Variants in CDS2 observed in about 807,000 individuals in gnomAD.
CDS2 encodes the protein phosphatidate cytidylyltransferase 2.
CDS2 carries 47 observed loss-of-function variants against 59.0 expected under a neutral mutation model. That is an observed-to-expected ratio of 0.80 (90% CI 0.63 to 1.02). CDS2 has a LOEUF of 1.02. Among genes scored for constraint, CDS2 ranks in the 50% least tolerant of loss-of-function variants. The probability of loss-of-function intolerance (pLI) is 0.00; values close to 1 mark genes in which losing one functional copy is unlikely to be tolerated. For missense variants in CDS2, 356 were observed against 558.9 expected, an observed-to-expected ratio of 0.64 and a Z score of 3.66; for synonymous variants, 207 against 206.4, an observed-to-expected ratio of 1.00 and a Z score of -0.02.
intron 1 of CDS2, among the ~76,000 whole-genome samples, chr20:5,145,115 A>C (rs6053155): frequency 1.3e-5 from 2 of 151,980 alleles, no homozygotes; most frequent in Non-Finnish European, 2.9e-5. Context: ...GGGAGACAAG[A>C]CACAGTAGTG....
chr20:5,182,720 C>T (rs1449677443), intron 6 of CDS2, among the ~76,000 whole-genome samples: 1 of 152,212 alleles, frequency 6.6e-6, no homozygotes. Context: ...TCAGACACTG[C>T]CCACAGATGT....
chr20:5,158,153 C>T (rs1490113718), intron 1 of CDS2, among the ~76,000 whole-genome samples: 2 of 147,488 alleles, frequency 1.4e-5, no homozygotes, highest in Non-Finnish European at 3.0e-5. Context: ...AGATTGGCTC[C>T]TGCTTTAGGT....
rs1390926062 is a variant in CDS2 at position 5,130,998 on chromosome 20, CAGG to C, written c.57+3852_57+3854del. ...CCCAGCTACTCGGAAGGCTGAGAGG[CAGG>C]AGAATGGCGTGAACCTGGGAGGCGG... On this transcript the variant is annotated intron_variant, in intron 1 of 12. Coordinates refer to ENST00000460006, the MANE Select transcript of CDS2 (RefSeq NM_003818.4). 2.0e-5 allele frequency among the ~76,000 whole-genome samples: 3 copies of C among 150,638 alleles called. No individual in the cohort carries two copies. The East Asian group carries it at 5.9e-4, about 29-fold the overall frequency.
intron 1 of CDS2, among the ~76,000 whole-genome samples, chr20:5,136,482 G>A (rs1293757487): frequency 1.3e-5 from 2 of 152,108 alleles, no homozygotes; most frequent in Admixed American, 1.3e-4. Context: ...CTGCAGTATT[G>A]TAAATGCCTG....
At chr20:5,153,506 G>A (rs1439787640) in intron 1 of CDS2, among the ~76,000 whole-genome samples, 2 of 152,092 alleles carry the variant, frequency 1.3e-5, no homozygotes, top group Non-Finnish European at 2.9e-5. Context: ...TTCAAGACCC[G>A]GTAGGTCTCA....
At position 5,189,076 on chromosome 20, in the gene CDS2, C is replaced by T. The variant is rs376439839; in HGVS notation, c.991C>T (p.Arg331Trp). 7 of 1,614,016 alleles carry T rather than the reference C, an allele frequency of 4.3e-6. No homozygotes were observed. Among genetic ancestry groups the T allele is most frequent in the African/African-American group, 2.7e-5 (2 of 74,916 alleles). ...CATTTACTCTTCTCAGAAAACGGTCCGGATGTACCCCTTCCAGATTCACAG... is the reference window on the plus strand; with the variant it reads ...CATTTACTCTTCTCAGAAAACGGTCTGGATGTACCCCTTCCAGATTCACAG... ...IQSVIGWKTV[R>W]MYPFQIHSIA... The change falls in exon 11 of 13, where the codon CGG becomes TGG. Residue 331 changes from arginine (R) to tryptophan (W), a missense_variant. Physicochemically the swap from Arg to Trp is moderately radical, Grantham distance 101. Coordinates refer to ENST00000460006, the MANE Select transcript of CDS2 (RefSeq NM_003818.4).
intron 5 of CDS2, among the ~76,000 whole-genome samples, chr20:5,180,237 G>A (rs1208873943): frequency 6.6e-6 from 1 of 151,982 alleles, no homozygotes. Context: ...AGGTGGTCTT[G>A]ACCCTATACC....
intron 1 of CDS2, among the ~76,000 whole-genome samples, chr20:5,140,051 C>T (rs895056417): frequency 2.0e-5 from 3 of 152,222 alleles, no homozygotes; most frequent in Non-Finnish European, 4.4e-5. Flanking sequence ...ATCTGCCCAC[C>T]TTGGGTTCCC....
At chr20:5,175,341 T>C (rs1441717846) in intron 3 of CDS2, 62 bp downstream of exon 3, 8 of 1,320,146 alleles carry the variant, frequency 6.1e-6, no homozygotes, top group Non-Finnish European at 7.7e-6. Flanking sequence ...CCCGGTTGTC[T>C]TAAGTGCGAG....
At chr20:5,137,954 A>G (rs1034098413) in intron 1 of CDS2, among the ~76,000 whole-genome samples, 2 of 151,388 alleles carry the variant, frequency 1.3e-5, no homozygotes, top group Non-Finnish European at 2.9e-5. Flanking sequence ...ACCCGCCACC[A>G]TGCCCAGCTA....
intron 12 of CDS2, 88 bp downstream of exon 12, chr20:5,189,926 A>G: frequency 7.3e-7 from 1 of 1,362,128 alleles, no homozygotes; most frequent in African/African-American, 1.4e-5. Context: ...GTTCCAGTGA[A>G]AAGCATCCCA....
chr20:5,179,150 C>G (rs1465811653), intron 5 of CDS2, among the ~76,000 whole-genome samples, 194 bp downstream of exon 5: 1 of 136,256 alleles, frequency 7.3e-6, no homozygotes, highest in Non-Finnish European at 1.5e-5. Flanking sequence ...GAGCCAGGGT[C>G]TCACTCTGTC....
rs2091131950 is a variant in CDS2, at chr20:5,193,270, G to C, written c.*3036G>C. ...TTAGGCAACTTGTTTCATATTCTGGGCATTTTAGTAGCTACAGTATTTTGC... is the reference window on the plus strand; with the variant it reads ...TTAGGCAACTTGTTTCATATTCTGGCCATTTTAGTAGCTACAGTATTTTGC... On this transcript the variant is annotated 3_prime_UTR_variant, in exon 13 of 13. Transcript: ENST00000460006. 1 of 152,204 alleles carries C rather than the reference G, an allele frequency of 6.6e-6. No homozygotes were observed. Among genetic ancestry groups the C allele is most frequent in the African/African-American group, 2.4e-5 (1 of 41,452 alleles). 9.4% of individuals were successfully genotyped at this position (152,204 alleles called of 1,614,324 possible).
rs139361474 is a variant in CDS2 at position 5,174,422 on chromosome 20, A to G, written c.195-761A>G. Among the ~76,000 whole-genome samples, 85 of 152,276 alleles carry G rather than the reference A, an allele frequency of 5.6e-4. 1 individual carries two copies. The East Asian group carries it at 0.014, about 25-fold the overall frequency. On this transcript the variant is annotated intron_variant, in intron 2 of 12. Transcript: ENST00000460006. ...TGTGTTGAGGATTGAAGGAGTTAAT[A>G]TATGTAAAGTCCTCATAAAATTACC...
chr20:5,174,261 T>G (rs1016181407), intron 2 of CDS2, among the ~76,000 whole-genome samples: 76 of 152,318 alleles, frequency 5.0e-4, no homozygotes, highest in African/African-American at 1.8e-3. Flanking sequence ...TGCCTCCAAC[T>G]GTCCCCTTGG....
At chr20:5,176,439 G>A in intron 3 of CDS2, 1 of 543,568 alleles carries the variant, frequency 1.8e-6, no homozygotes, top group Non-Finnish European at 3.3e-6. Flanking sequence ...TTTATTGTGA[G>A]TGGAAAATTG....
intron 1 of CDS2, among the ~76,000 whole-genome samples, chr20:5,158,492 A>C (rs967820250): frequency 1.3e-5 from 2 of 152,212 alleles, no homozygotes; most frequent in Middle Eastern, 3.4e-3. Context: ...ATCATTTTTT[A>C]AACAACCCTG....
intron 1 of CDS2, among the ~76,000 whole-genome samples, chr20:5,139,217 C>T (rs2090673498): frequency 6.6e-6 from 1 of 152,270 alleles, no homozygotes; most frequent in East Asian, 1.9e-4. Context: ...GAGCCTGCAC[C>T]TGTAATCCTA....
At chr20:5,174,336 AG>A (rs914818340) in intron 2 of CDS2, among the ~76,000 whole-genome samples, 1 of 152,182 alleles carries the variant, frequency 6.6e-6, no homozygotes, top group Admixed American at 6.5e-5. Context: ...TTCAGATCCC[AG>A]CTTTACTGTT....
Sources: gnomAD v4.1 joint callset for allele counts (sites outside exome capture counted in the v4.1 genomes callset) on GRCh38, gnomAD v4.1.1 for gene constraint, MANE v1.5 for transcripts, NCBI Gene and HGNC (gene_info 2026-07-23, HGNC 2026-07-21) for gene names.